TLL1: variants seen among roughly 807,000 people sequenced by gnomAD.
TLL1 encodes the protein tolloid-like protein 1.
A neutral mutation model predicts 128.2 loss-of-function variants in TLL1; 49 were observed. That is an observed-to-expected ratio of 0.38 (90% CI 0.30 to 0.48). The LOEUF is 0.48. Ranked by LOEUF, TLL1 falls within the 20% of genes least tolerant of loss-of-function variation. The pLI, the probability that TLL1 is intolerant of heterozygous loss-of-function variation, is 0.96. For missense variants in TLL1, 1,123 were observed against 1,242.0 expected, an observed-to-expected ratio of 0.90 and a Z score of 1.44; for synonymous variants, 454 against 418.8, an observed-to-expected ratio of 1.08 and a Z score of -1.03.
intron 10 of TLL1, among the ~76,000 whole-genome samples, chr4:166,040,490 G>C (rs1473667769): frequency 6.6e-6 from 1 of 152,154 alleles, no homozygotes; most frequent in South Asian, 2.1e-4. Context: ...CTTCTTTTTA[G>C]AGCACCATCA....
rs897708593 is a variant in TLL1, at chr4:166,043,291, A to C, written c.1396A>C (p.Ile466Leu). Residue 466 changes from isoleucine to leucine, a missense_variant, in exon 12 of 21, where the codon ATA (isoleucine) becomes CTA (leucine). This residue lies in a region of TLL1 where 634 missense variants were observed against 672.4 expected (regional missense o/e 0.94). Transcript: ENST00000061240. Reference sequence around the variant, plus strand: ...TTCTTCAGCGATCTGTGGAGGTGAGATACGTAAAAATGAAGGACAGATTCA... The same window carrying C: ...TTCTTCAGCGATCTGTGGAGGTGAGCTACGTAAAAATGAAGGACAGATTCA... ...AVYEAICGGEIRKNEGQIQSP... is the reference protein window; with the variant it reads ...AVYEAICGGELRKNEGQIQSP... 6.2e-7 allele frequency: 1 copy of C among 1,614,004 alleles called. No homozygotes were observed. Among genetic ancestry groups the C allele is most frequent in the African/African-American group, 1.3e-5 (1 of 74,908 alleles).
At position 166,022,750 on chromosome 4, in the gene TLL1, C is replaced by T. The variant is rs576404019; in HGVS notation, c.1043-2566C>T. 1.1e-4 allele frequency among the ~76,000 whole-genome samples: 16 copies of T among 152,228 alleles called. No homozygotes were observed. The East Asian group carries it at 3.1e-3, about 29-fold the overall frequency. ...CAATGCACAATCTAAGTGGTGTTTACACAATTCAAACACAATTTTGTATGC... is the reference window on the plus strand; with the variant it reads ...CAATGCACAATCTAAGTGGTGTTTATACAATTCAAACACAATTTTGTATGC... On this transcript the variant is annotated intron_variant, in intron 8 of 20. Coordinates refer to ENST00000061240, the MANE Select transcript of TLL1 (RefSeq NM_012464.5).
chr4:166,044,734 CA>C (rs201110536), intron 12 of TLL1, among the ~76,000 whole-genome samples: 2,291 of 151,306 alleles, frequency 0.015, 57 homozygotes, highest in African/African-American at 0.05. Context: ...ATGATTTAGA[CA>C]AAAAAAAGGC....
intron 1 of TLL1, among the ~76,000 whole-genome samples, chr4:165,939,836 G>T (rs1733924408): frequency 6.6e-6 from 1 of 152,026 alleles, no homozygotes; most frequent in African/African-American, 2.4e-5. Flanking sequence ...CTTGAAATGG[G>T]AAGTCTACAG....
At chr4:165,886,399 A>G (rs748210854) in intron 1 of TLL1, among the ~76,000 whole-genome samples, 1 of 152,212 alleles carries the variant, frequency 6.6e-6, no homozygotes, top group Non-Finnish European at 1.5e-5. Flanking sequence ...ACTATTTTGT[A>G]TATGATATGT....
At chr4:165,922,308 T>C (rs1161653947) in intron 1 of TLL1, among the ~76,000 whole-genome samples, 1 of 152,256 alleles carries the variant, frequency 6.6e-6, no homozygotes, top group East Asian at 1.9e-4. Context: ...TTCTTTGTTA[T>C]TGGTTGGTTG....
chr4:165,887,309 C>G (rs1409255811), intron 1 of TLL1, among the ~76,000 whole-genome samples: 1 of 152,068 alleles, frequency 6.6e-6, no homozygotes, highest in Non-Finnish European at 1.5e-5. Flanking sequence ...GAAGTAGAGG[C>G]AAGCACTGGA....
chr4:165,891,113 T>G (rs1360321239), intron 1 of TLL1, among the ~76,000 whole-genome samples: 1 of 152,096 alleles, frequency 6.6e-6, no homozygotes, highest in Non-Finnish European at 1.5e-5. Context: ...ACGGTTCAGA[T>G]GCAAGTCACT....
intron 18 of TLL1, among the ~76,000 whole-genome samples, chr4:166,086,808 A>C (rs1741536962): frequency 6.6e-6 from 1 of 152,136 alleles, no homozygotes; most frequent in Non-Finnish European, 1.5e-5. Context: ...TAGAAGAATA[A>C]ATTTGTGTTG....
intron 1 of TLL1, among the ~76,000 whole-genome samples, chr4:165,896,479 CTT>C (rs70955648): frequency 0.043 from 4,388 of 102,020 alleles, 196 homozygotes; most frequent in African/African-American, 0.14. Flanking sequence ...AATGGTATTT[CTT>C]TTTTTTTTTT....
chr4:166,071,621 C>A, intron 16 of TLL1, among the ~76,000 whole-genome samples: 1 of 151,820 alleles, frequency 6.6e-6, no homozygotes, highest in East Asian at 1.9e-4. Context: ...GTTTAAATGT[C>A]TCTCCTTCTC....
intron 1 of TLL1, among the ~76,000 whole-genome samples, chr4:165,899,761 A>C (rs1731877649): frequency 6.6e-6 from 1 of 152,116 alleles, no homozygotes; most frequent in Non-Finnish European, 1.5e-5. Context: ...AGCTGAGTTA[A>C]AGTCCTGAAT....
chr4:165,887,552 A>C (rs1731217004), intron 1 of TLL1, among the ~76,000 whole-genome samples: 1 of 152,242 alleles, frequency 6.6e-6, no homozygotes, highest in South Asian at 2.1e-4. Context: ...TTTGTAAAGC[A>C]ATTGAATTTG....
At chr4:165,877,714 C>T (rs1323452664) in intron 1 of TLL1, among the ~76,000 whole-genome samples, 2 of 152,062 alleles carry the variant, frequency 1.3e-5, no homozygotes, top group African/African-American at 4.8e-5. Context: ...TTCTCTCCTT[C>T]TCTTCTTCCC....
Position 166,060,134 on chromosome 4 carries a change from A to T in TLL1, c.1953A>T (p.Pro651=). 1.2e-6 allele frequency: 2 copies of T among 1,613,840 alleles called. No homozygotes were observed. The highest frequency in any genetic ancestry group is 1.7e-6 in the Non-Finnish European group (2 of 1,179,882). ...ACTGTGTGTGGCAAGTGGTTGCACC[A>T]ACCCAGTACAGAATTTCTGTGAAGT... The part of the protein sequence containing the change: ...NKNCVWQVVA[P]TQYRISVKFE... The change falls in exon 15 of 21, where the codon CCA becomes CCT. Residue 651 remains proline (P), a synonymous_variant. Coordinates refer to ENST00000061240, the MANE Select transcript of TLL1 (RefSeq NM_012464.5).
intron 9 of TLL1, among the ~76,000 whole-genome samples, chr4:166,038,657 T>C (rs1205870470): frequency 6.6e-6 from 1 of 152,194 alleles, no homozygotes; most frequent in Admixed American, 6.5e-5. Flanking sequence ...GTCTCTTGAG[T>C]TATCTTTACG....
Position 166,014,425 on chromosome 4 carries a change from C to CT in TLL1, c.918-4dup. 6.2e-7 allele frequency: 1 copy of CT among 1,611,672 alleles called. No homozygotes were observed. The highest frequency in any genetic ancestry group is 8.5e-7 in the Non-Finnish European group (1 of 1,178,262). On this transcript the variant is annotated splice_polypyrimidine_tract_variant and intron_variant, in intron 7 of 20. Transcript: ENST00000061240. ...GTGACTTAGGTGTGGTTTGCTTCTG[C>CT]TTTTTTTCAGGGGGATGTTTCTGGA...
chr4:166,039,213 A>G (rs568125570), intron 9 of TLL1, 126 bp from the exon 10 acceptor site: 3 of 692,480 alleles, frequency 4.3e-6, no homozygotes, highest in Non-Finnish European at 7.7e-6. Flanking sequence ...TAATTATAGT[A>G]TAGAAAAACA....
At chr4:165,916,927 T>C (rs1263983025) in intron 1 of TLL1, among the ~76,000 whole-genome samples, 2 of 152,162 alleles carry the variant, frequency 1.3e-5, no homozygotes, top group East Asian at 1.9e-4. Context: ...TTATTGGAAC[T>C]CTTACTTTCA....
Sources: gnomAD v4.1 joint callset for allele counts (sites outside exome capture counted in the v4.1 genomes callset) on GRCh38, gnomAD v4.1.1 for gene constraint, gnomAD v4.1.1 regional missense constraint, MANE v1.5 for transcripts, NCBI Gene and HGNC (gene_info 2026-07-23, HGNC 2026-07-21) for gene names.